The following DEAF1 variants were observed in gnomAD, a reference collection of about 807,000 sequenced individuals.
The protein encoded by DEAF1 is DEAF1 transcription factor.
DEAF1 carries 53 observed loss-of-function variants against 58.9 expected under a neutral mutation model. The ratio of observed to expected loss-of-function variants is 0.90; its 90% CI spans 0.72 to 1.13. The LOEUF is 1.13. DEAF1 is among the 50% of genes most tolerant of loss of function. The pLI, the probability that DEAF1 is intolerant of heterozygous loss-of-function variation, is 0.00. For missense variants in DEAF1, 685 were observed against 791.4 expected (o/e 0.87, Z 1.61); for synonymous variants, 385 against 340.4 (o/e 1.13, Z -1.44).
At chr11:694,656 G>A (rs1861021744) in intron 1 of DEAF1, 103 bp downstream of exon 1, 10 of 1,108,952 alleles carry the variant, frequency 9.0e-6, no homozygotes, top group Non-Finnish European at 1.0e-5. Flanking sequence ...AGGTGTGAGG[G>A]ACAGGTGTGG....
chr11:697,772 G>C (rs1051536096), upstream of DEAF1: 1 of 152,254 alleles, frequency 6.6e-6, no homozygotes, highest in African/African-American at 2.4e-5. Context: ...AACGCGATGC[G>C]GCGTGGTCTG....
At chr11:687,615 G>A (rs1215407282) in intron 4 of DEAF1, among the ~76,000 whole-genome samples, 1 of 152,142 alleles carries the variant, frequency 6.6e-6, no homozygotes, top group Non-Finnish European at 1.5e-5. Flanking sequence ...TCAGCCTCCC[G>A]AGTAGCTGGG....
At chr11:696,521 G>GT (rs1415803002), upstream of DEAF1, among the ~76,000 whole-genome samples, 1 of 152,242 alleles carries the variant, frequency 6.6e-6, no homozygotes. Flanking sequence ...GCTCAGGCCT[G>GT]TAAGCCTGAC....
intron 10 of DEAF1, among the ~76,000 whole-genome samples, chr11:656,404 T>G (rs1229581562): frequency 6.6e-6 from 1 of 152,222 alleles, no homozygotes; most frequent in Non-Finnish European, 1.5e-5. Context: ...GTGATCCGCC[T>G]GCCTTGGCCT....
intron 1 of DEAF1, chr11:700,989 C>T: frequency 2.0e-6 from 1 of 495,372 alleles, no homozygotes; most frequent in Non-Finnish European, 3.7e-6. Flanking sequence ...ATCAGAAAAG[C>T]CCAGCCCACC....
chr11:650,968 A>ATT (rs568964930), intron 11 of DEAF1, among the ~76,000 whole-genome samples: 2,400 of 147,384 alleles, frequency 0.016, 54 homozygotes, highest in African/African-American at 0.055. Flanking sequence ...AGAAAAGGTA[A>ATT]TTTTTTTTTT....
At chr11:682,973 T>C (rs9734224) in intron 6 of DEAF1, among the ~76,000 whole-genome samples, 27,336 of 152,000 alleles carry the variant, frequency 0.18, 3,107 homozygotes, top group African/African-American at 0.33. Context: ...GCCTCCACCA[T>C]AGGGAGCTGG....
intron 10 of DEAF1, chr11:674,097 T>G: frequency 3.7e-6 from 1 of 267,342 alleles, no homozygotes; most frequent in Non-Finnish European, 7.4e-6. Context: ...TGGGAGGGCT[T>G]TGTGACAGCA....
At chr11:700,726 C>T (rs1263330195) in intron 1 of DEAF1, 1 of 1,585,222 alleles carries the variant, frequency 6.3e-7, no homozygotes, top group Non-Finnish European at 8.7e-7. Context: ...ACTGTTAACA[C>T]CGTGAAGAAC....
rs918880017 is a variant in DEAF1 at position 680,947 on chromosome 11, G to A, written c.997+16C>T. 1.1e-5 allele frequency: 17 copies of A among 1,614,028 alleles called. No homozygotes were observed. Among genetic ancestry groups the A allele is most frequent in the Non-Finnish European group, 1.3e-5 (15 of 1,180,024 alleles). On this transcript the variant is annotated intron_variant, in intron 7 of 11. Coordinates refer to ENST00000382409, the MANE Select transcript of DEAF1 (RefSeq NM_021008.4). ...GGTCCCCTCAGTAAACTAGAGCTGTGTTTTCTCAAACTCACAGGTGGTAGC... is the reference window on the plus strand; with the variant it reads ...GGTCCCCTCAGTAAACTAGAGCTGTATTTTCTCAAACTCACAGGTGGTAGC...
At chr11:684,500 C>T (rs1220654511) in intron 6 of DEAF1, among the ~76,000 whole-genome samples, 1 of 151,224 alleles carries the variant, frequency 6.6e-6, no homozygotes, top group African/African-American at 2.4e-5. Context: ...GTCAAAAAGG[C>T]GTTAAAAGCT....
chr11:660,748 T>C (rs1194207061), intron 10 of DEAF1, among the ~76,000 whole-genome samples: 1 of 152,246 alleles, frequency 6.6e-6, no homozygotes, highest in Non-Finnish European at 1.5e-5. Context: ...CGGGCCTATT[T>C]GGCTCACGTG....
intron 6 of DEAF1, 103 bp from the exon 7 acceptor site, chr11:681,192 A>G (rs1247620621): frequency 2.0e-6 from 3 of 1,496,542 alleles, no homozygotes; most frequent in Non-Finnish European, 1.9e-6. Context: ...TGTGAGTCAC[A>G]TGGTGAGACC....
At chr11:661,396 TG>T (rs1165553358) in intron 10 of DEAF1, among the ~76,000 whole-genome samples, 1 of 151,790 alleles carries the variant, frequency 6.6e-6, no homozygotes, top group Non-Finnish European at 1.5e-5. Flanking sequence ...GGGCTACATT[TG>T]ATTTTTTTTT....
At chr11:691,079 G>A (rs949992685) in intron 2 of DEAF1, among the ~76,000 whole-genome samples, 6 of 152,254 alleles carry the variant, frequency 3.9e-5, no homozygotes, top group Admixed American at 3.3e-4. Context: ...GCAGTCAGGC[G>A]TGGGAGACTG....
intron 9 of DEAF1, among the ~76,000 whole-genome samples, 189 bp from the exon 10 acceptor site, chr11:674,972 G>C (rs985495342): frequency 2.0e-5 from 3 of 151,876 alleles, no homozygotes; most frequent in Non-Finnish European, 2.9e-5. Flanking sequence ...GAAACCCCGC[G>C]TTTCACTGTG....
chr11:667,838 G>T (rs746422205), intron 10 of DEAF1, among the ~76,000 whole-genome samples: 2 of 148,798 alleles, frequency 1.3e-5, no homozygotes, highest in East Asian at 4.0e-4. Context: ...ATAGGCCGGC[G>T]TGTTAGCTCA....
At chr11:699,948 T>A, upstream of DEAF1, 1 of 564,090 alleles carries the variant, frequency 1.8e-6, no homozygotes, top group South Asian at 2.0e-5. Context: ...AAAGGCCTTG[T>A]CAGCTCATGG....
At chr11:681,415 T>C (rs1264852552) in intron 6 of DEAF1, among the ~76,000 whole-genome samples, 1 of 145,692 alleles carries the variant, frequency 6.9e-6, no homozygotes, top group African/African-American at 2.5e-5. Context: ...TTCTTTCTTT[T>C]TTTTTTTTTT....
Sources: gnomAD v4.1 joint callset for allele counts (sites outside exome capture counted in the v4.1 genomes callset) on GRCh38, gnomAD v4.1.1 for gene constraint, MANE v1.5 for transcripts, NCBI Gene and HGNC (gene_info 2026-07-23, HGNC 2026-07-21) for gene names.